Variants in HCK observed in about 807,000 individuals in gnomAD.
The protein encoded by HCK is tyrosine-protein kinase HCK.
A neutral mutation model predicts 70.4 loss-of-function variants in HCK; 40 were observed. The ratio of observed to expected loss-of-function variants is 0.57; its 90% CI spans 0.44 to 0.74. HCK has a LOEUF of 0.74. Among genes scored for constraint, HCK ranks in the 30% least tolerant of loss-of-function variants. The probability of loss-of-function intolerance (pLI) is 0.00; values close to 1 mark genes in which losing one functional copy is unlikely to be tolerated. For synonymous variants in HCK, 245 were observed against 263.2 expected, an observed-to-expected ratio of 0.93 and a Z score of 0.67; for missense variants, 568 against 697.2, an observed-to-expected ratio of 0.81 and a Z score of 2.09.
intron 1 of HCK, among the ~76,000 whole-genome samples, chr20:32,066,997 A>G (rs1424709232): frequency 2.0e-5 from 3 of 152,180 alleles, no homozygotes; most frequent in Non-Finnish European, 2.9e-5. Context: ...CTGTTCTTCA[A>G]AACCCAACTC....
At chr20:32,067,980 C>A (rs1014915799) in intron 1 of HCK, among the ~76,000 whole-genome samples, 2 of 151,776 alleles carry the variant, frequency 1.3e-5, no homozygotes, top group Admixed American at 6.6e-5. Flanking sequence ...CTTTAAGAAA[C>A]CTGGATGTAA....
At chr20:32,070,800 G>A (rs1265846757) in intron 1 of HCK, among the ~76,000 whole-genome samples, 1 of 151,802 alleles carries the variant, frequency 6.6e-6, no homozygotes, top group Non-Finnish European at 1.5e-5. Flanking sequence ...AGTAAATCTT[G>A]GCTGTGTAAA....
intron 11 of HCK, among the ~76,000 whole-genome samples, chr20:32,098,623 C>A (rs939884035): frequency 3.9e-5 from 6 of 152,140 alleles, no homozygotes; most frequent in African/African-American, 1.2e-4. Context: ...TTCCCATCGC[C>A]CAGGATGAGA....
At chr20:32,089,876 G>T (rs1353348962) in intron 10 of HCK, among the ~76,000 whole-genome samples, 1 of 152,246 alleles carries the variant, frequency 6.6e-6, no homozygotes, top group African/African-American at 2.4e-5. Flanking sequence ...AAAGGTAAAG[G>T]TCTTTTAGAC....
chr20:32,054,800 C>T lies in HCK; in HGVS notation c.62+2314C>T, dbSNP rs1053382691. Among the ~76,000 whole-genome samples the T allele has an allele frequency of 5.3e-5, 8 of 152,284 alleles. No individual in the cohort carries two copies. The South Asian group carries it at 6.2e-4, about 12-fold the overall frequency. On this transcript the variant is annotated intron_variant, in intron 1 of 12. Transcript: ENST00000375852. ...TAGCCTGGGCCACAGAGCGAGACTC[C>T]GTCTCAAAACAAAACAAAACAAAAA...
intron 8 of HCK, among the ~76,000 whole-genome samples, chr20:32,086,314 C>A (rs1335211098): frequency 5.9e-5 from 9 of 152,344 alleles, no homozygotes; most frequent in Admixed American, 3.9e-4. Flanking sequence ...CCACTTAGAG[C>A]TATTTTTAAA....
chr20:32,083,010 G>C (rs1237172774), intron 6 of HCK, among the ~76,000 whole-genome samples: 1 of 152,096 alleles, frequency 6.6e-6, no homozygotes, highest in Non-Finnish European at 1.5e-5. Context: ...GACCTCACTG[G>C]GCTCAAGATG....
intron 4 of HCK, among the ~76,000 whole-genome samples, chr20:32,074,176 C>G (rs1407893225): frequency 6.6e-6 from 1 of 152,146 alleles, no homozygotes; most frequent in Non-Finnish European, 1.5e-5. Flanking sequence ...GGATCTCCTA[C>G]AGCCTTCACC....
chr20:32,093,049 A>G (rs1159079830), intron 10 of HCK, among the ~76,000 whole-genome samples: 1 of 151,950 alleles, frequency 6.6e-6, no homozygotes, highest in Non-Finnish European at 1.5e-5. Flanking sequence ...GGTCCAAGCA[A>G]TTCTCGTGCC....
intron 1 of HCK, among the ~76,000 whole-genome samples, chr20:32,059,366 T>C (rs557527867): frequency 2.0e-5 from 3 of 148,188 alleles, no homozygotes; most frequent in South Asian, 4.5e-4. Context: ...CCTCCTCCTC[T>C]TCCTCCTCCT....
chr20:32,055,103 A>G (rs2045250293), intron 1 of HCK, among the ~76,000 whole-genome samples: 1 of 152,170 alleles, frequency 6.6e-6, no homozygotes, highest in African/African-American at 2.4e-5. Flanking sequence ...CTTTCGGCCC[A>G]TGTACAGGTG....
At chr20:32,055,000 A>G (rs960897255) in intron 1 of HCK, among the ~76,000 whole-genome samples, 2 of 152,192 alleles carry the variant, frequency 1.3e-5, no homozygotes, top group Non-Finnish European at 2.9e-5. Context: ...ACGACTCTAC[A>G]GTATTTCTCT....
chr20:32,057,262 A>G (rs2045286441), intron 1 of HCK, among the ~76,000 whole-genome samples: 1 of 152,208 alleles, frequency 6.6e-6, no homozygotes, highest in Admixed American at 6.5e-5. Context: ...TGAGTTTTCA[A>G]ACCCCACCCT....
intron 9 of HCK, among the ~76,000 whole-genome samples, chr20:32,087,325 A>G (rs1334585820): frequency 1.3e-5 from 2 of 148,832 alleles, no homozygotes; most frequent in Non-Finnish European, 3.0e-5. Flanking sequence ...TTTTTTAGGG[A>G]CAGGAACTTG....
At chr20:32,101,029 G>T (rs1157857663) in intron 12 of HCK, among the ~76,000 whole-genome samples, 2 of 152,216 alleles carry the variant, frequency 1.3e-5, no homozygotes, top group African/African-American at 2.4e-5. Flanking sequence ...CAAAGGAAGA[G>T]ATGAAGGGTG....
chr20:32,059,809 C>G (rs923399109), intron 1 of HCK, among the ~76,000 whole-genome samples: 1 of 152,152 alleles, frequency 6.6e-6, no homozygotes, highest in African/African-American at 2.4e-5. Context: ...AGCCACCATA[C>G]CTGGCCTCTA....
chr20:32,054,828 T>C (rs1382199918), intron 1 of HCK, among the ~76,000 whole-genome samples: 2 of 152,128 alleles, frequency 1.3e-5, no homozygotes, highest in South Asian at 2.1e-4. Flanking sequence ...AACAAAAAAC[T>C]ATCTAATTGT....
intron 1 of HCK, among the ~76,000 whole-genome samples, chr20:32,056,086 G>A (rs890918854): frequency 6.6e-6 from 1 of 152,220 alleles, no homozygotes; most frequent in Admixed American, 6.5e-5. Flanking sequence ...TGGAAATTCA[G>A]GTTGTTTCCA....
At chr20:32,067,280 G>A (rs956060709) in intron 1 of HCK, among the ~76,000 whole-genome samples, 28 of 152,076 alleles carry the variant, frequency 1.8e-4, no homozygotes, top group African/African-American at 6.0e-4. Context: ...GTACACTTCA[G>A]TGGTATTCAA....
Sources: allele counts gnomAD v4.1 joint callset (sites outside exome capture counted in the v4.1 genomes callset), GRCh38; gene constraint gnomAD v4.1.1; transcripts MANE v1.5; gene names NCBI Gene and HGNC (gene_info 2026-07-23, HGNC 2026-07-21).